The following DKKL1 variants were observed in gnomAD, a reference collection of about 807,000 sequenced individuals.
The protein encoded by DKKL1 is dickkopf like acrosomal protein 1.
Under a neutral mutation model 16.5 loss-of-function variants are expected in DKKL1, and 11 were observed. The observed-to-expected ratio is 0.67, with a 90% CI of 0.42 to 1.10. The LOEUF is 1.10. Among genes scored for constraint, DKKL1 ranks in the 50% least tolerant of loss-of-function variants. The probability of loss-of-function intolerance (pLI) is 0.00; values close to 1 mark genes in which losing one functional copy is unlikely to be tolerated. For synonymous variants in DKKL1, 119 were observed against 133.2 expected (o/e 0.89, Z 0.73); for missense variants, 320 against 308.1 (o/e 1.04, Z -0.29).
At chr19:49,364,301 G>A (rs1973157003) in intron 1 of DKKL1, among the ~76,000 whole-genome samples, 3 of 149,476 alleles carry the variant, frequency 2.0e-5, no homozygotes, top group African/African-American at 7.4e-5. Flanking sequence ...GCAGTGAGCC[G>A]TGATTGTGCC....
At chr19:49,360,756 G>C (rs185367642), upstream of DKKL1, among the ~76,000 whole-genome samples, 6 of 90,486 alleles carry the variant, frequency 6.6e-5, no homozygotes, top group Non-Finnish European at 7.7e-5. Context: ...CAGAGAGGGA[G>C]GGGGACAGAG....
chr19:49,365,958 C>T (rs762146207), intron 4 of DKKL1, 73 bp downstream of exon 4: 52 of 1,406,420 alleles, frequency 3.7e-5, no homozygotes, highest in Non-Finnish European at 4.9e-5. Context: ...AGAAGAGTCT[C>T]ACTCTGTCAC....
chr19:49,361,895 C>G (rs573924713), upstream of DKKL1: 1 of 152,674 alleles, frequency 6.5e-6, no homozygotes. Flanking sequence ...GACAAAGGGA[C>G]GGTGGAGCCG....
In DKKL1 at chr19:49,365,597, A is replaced by G. The variant is rs1234775126; in HGVS notation, c.272A>G (p.Gln91Arg). The stretch of plus-strand genomic sequence containing the variant: ...GGGAACTACCACAAAGAGGAGAACC[A>G]GGAGCACCAGCTGGGGAACAACACC... ...LPGNYHKEEN[Q>R]EHQLGNNTLS... Residue 91 changes from glutamine to arginine, a missense_variant, in exon 3 of 5, where the codon CAG (glutamine) becomes CGG (arginine). Transcript: ENST00000221498. The G allele has an allele frequency of 6.2e-7, 1 of 1,613,814 alleles. No homozygotes were observed. Among genetic ancestry groups the G allele is most frequent in the Non-Finnish European group, 8.5e-7 (1 of 1,179,912 alleles).
In DKKL1 at chr19:49,373,733, G is replaced by C. The variant is rs74823187; in HGVS notation, c.418-984G>C. Reference sequence around the variant, plus strand: ...GATCTGCCCACCTCAGCCTCGCAAAGTGCTGGATTACACACATGAGCCACC... The same window carrying C: ...GATCTGCCCACCTCAGCCTCGCAAACTGCTGGATTACACACATGAGCCACC... On this transcript the variant is annotated intron_variant, in intron 4 of 4. Transcript: ENST00000221498. 2.7e-3 allele frequency among the ~76,000 whole-genome samples: 410 copies of C among 152,172 alleles called. 13 individuals carry two copies. In the East Asian group the frequency reaches 0.062, roughly 23 times the overall value.
intron 4 of DKKL1, among the ~76,000 whole-genome samples, chr19:49,372,668 T>A (rs1973544641): frequency 7.0e-6 from 1 of 142,788 alleles, no homozygotes; most frequent in African/African-American, 2.6e-5. Context: ...CACTCCAGCC[T>A]GGGCGACAGA....
upstream of DKKL1, chr19:49,363,513 G>C (rs1271568440): frequency 3.5e-6 from 1 of 281,696 alleles, no homozygotes; most frequent in African/African-American, 2.2e-5. Context: ...GCGTGGTCCA[G>C]TGCAGGGGCG....
In DKKL1 at chr19:49,365,874, G is replaced by C. The variant is rs759633695; in HGVS notation, c.406G>C (p.Gly136Arg). 2 of 1,613,940 alleles carry C rather than the reference G, an allele frequency of 1.2e-6. No individual in the cohort carries two copies. The highest frequency in any genetic ancestry group is 2.7e-5 in the African/African-American group (2 of 74,900). The stretch of plus-strand genomic sequence containing the variant: ...TCAACCAGCGGAGGGGAGCTTCGAG[G>C]GTGATTTGAAGGTTAGGACGTGCCC... ...SIQPAEGSFE[G>R]DLKVPRMEEK... The change falls in exon 4 of 5, where the codon GGT becomes CGT. Residue 136 changes from glycine (G) to arginine (R), a missense_variant. Transcript: ENST00000221498.
At position 49,374,977 on chromosome 19, in the gene DKKL1, C is replaced by T. The variant is rs550572733; in HGVS notation, c.678C>T (p.Ser226=). The change falls in exon 5 of 5, where the codon TCC becomes TCT. Residue 226 remains serine (S), a synonymous_variant. Transcript: ENST00000221498. The part of the protein sequence containing the change: ...GTESSSHSRL[S]PRKTHLLYIL... ...AGAGCTCCTCCCACTCCAGGCTGTC[C>T]CCCCGAAAGACCCACTTACTGTACA... The T allele has an allele frequency of 4.3e-6, 7 of 1,613,352 alleles. No individual in the cohort carries two copies. The highest frequency in any genetic ancestry group is 5.9e-6 in the Non-Finnish European group (7 of 1,179,770).
At position 49,364,695 on chromosome 19, in the gene DKKL1, T is replaced by C; in HGVS notation, c.124T>C (p.Ser42Pro). 1 of 1,614,106 alleles carries C rather than the reference T, an allele frequency of 6.2e-7. No individual in the cohort carries two copies. Among genetic ancestry groups the C allele is most frequent in the Non-Finnish European group, 8.5e-7 (1 of 1,180,008 alleles). ...CCATGATGCTGACGCCCAAGAGAGC[T>C]CCTTGGGTCTCACAGGCCTCCAGAG... ...PIHDADAQESSLGLTGLQSLL... is the reference protein window; with the variant it reads ...PIHDADAQESPLGLTGLQSLL... The change falls in exon 2 of 5, where the codon TCC becomes CCC. Residue 42 changes from serine (S) to proline (P), a missense_variant. Coordinates refer to ENST00000221498, the MANE Select transcript of DKKL1 (RefSeq NM_014419.4).
chr19:49,374,694 G>T (rs776956289), intron 4 of DKKL1, 23 bp from the exon 5 acceptor site: 2 of 1,515,692 alleles, frequency 1.3e-6, no homozygotes, highest in South Asian at 1.3e-5. Context: ...GTATGAGAGG[G>T]TCTCCTTGTT....
intron 4 of DKKL1, among the ~76,000 whole-genome samples, chr19:49,371,382 A>G (rs1163030170): frequency 1.3e-5 from 2 of 152,206 alleles, no homozygotes; most frequent in East Asian, 3.8e-4. Context: ...TTTTTAAAAA[A>G]TATTCTTTCT....
At chr19:49,368,554 C>A (rs1001992850) in intron 4 of DKKL1, among the ~76,000 whole-genome samples, 4 of 151,348 alleles carry the variant, frequency 2.6e-5, no homozygotes, top group African/African-American at 9.8e-5. Context: ...AAAAAACATA[C>A]TTTATTATTT....
intron 4 of DKKL1, chr19:49,369,583 T>C (rs1353424369): frequency 6.6e-6 from 1 of 152,022 alleles, no homozygotes; most frequent in Non-Finnish European, 1.5e-5. Context: ...ATGCTGGAGG[T>C]TGGAGCCTGT....
rs1973160640 is a variant in DKKL1 at position 49,364,336 on chromosome 19, AGTCTCG to A, written c.11-240_11-235del. Among the ~76,000 whole-genome samples, 5 of 137,124 alleles carry A rather than the reference AGTCTCG, an allele frequency of 3.6e-5. No individual in the cohort carries two copies. In the South Asian group the frequency reaches 1.2e-3, roughly 32 times the overall value. 90.0% of individuals were successfully genotyped at this position (137,124 alleles called of 152,430 possible). ...CACTGTACTCCAGCCTGGACTACAGAGTCTCGGTCTCAAAAAAAAAAAAAAAAAAGC... is the reference window on the plus strand; with the variant it reads ...CACTGTACTCCAGCCTGGACTACAGAGTCTCAAAAAAAAAAAAAAAAAAGC... On this transcript the variant is annotated intron_variant, in intron 1 of 4. Transcript: ENST00000221498.
At position 49,374,416 on chromosome 19, in the gene DKKL1, C is replaced by CA. The variant is rs561626006; in HGVS notation, c.418-300dup. Among the ~76,000 whole-genome samples, 98 of 152,328 alleles carry CA rather than the reference C, an allele frequency of 6.4e-4. 1 individual carries two copies. The highest frequency in any genetic ancestry group is 4.3e-3 in the Admixed American group (66 of 15,294). On this transcript the variant is annotated intron_variant, in intron 4 of 4. Coordinates refer to ENST00000221498, the MANE Select transcript of DKKL1 (RefSeq NM_014419.4). ...TTTCAAACTGCTATCCTCTAAACCTCAGAGAGGATTTAATCCTAAAGTGCT... is the reference window on the plus strand; with the variant it reads ...TTTCAAACTGCTATCCTCTAAACCTCAAGAGAGGATTTAATCCTAAAGTGCT...
chr19:49,360,538 G>A (rs1221439029), upstream of DKKL1: 7 of 164,558 alleles, frequency 4.3e-5, no homozygotes, highest in South Asian at 1.9e-4. Flanking sequence ...GAGTAATGCC[G>A]AGGGCCATGA....
chr19:49,367,835 A>G (rs1332115912), intron 4 of DKKL1, among the ~76,000 whole-genome samples: 2 of 152,194 alleles, frequency 1.3e-5, no homozygotes, highest in African/African-American at 4.8e-5. Flanking sequence ...ACCCACGTAC[A>G]CCCATGCAAT....
intron 4 of DKKL1, among the ~76,000 whole-genome samples, chr19:49,371,731 C>G (rs1294205692): frequency 1.3e-5 from 2 of 152,132 alleles, no homozygotes; most frequent in Non-Finnish European, 2.9e-5. Context: ...AGCCCGTCAC[C>G]TGCATTGGGT....
Sources: allele counts gnomAD v4.1 joint callset (sites outside exome capture counted in the v4.1 genomes callset), GRCh38; gene constraint gnomAD v4.1.1; transcripts MANE v1.5; gene names NCBI Gene and HGNC (gene_info 2026-07-23, HGNC 2026-07-21).